Variants in PTPRD observed in about 807,000 individuals in gnomAD.
The protein encoded by PTPRD is receptor-type tyrosine-protein phosphatase delta.
Under a neutral mutation model 214.5 loss-of-function variants are expected in PTPRD, and 34 were observed. The observed-to-expected ratio is 0.16, with a 90% CI of 0.12 to 0.21. PTPRD has a LOEUF of 0.21. PTPRD is among the 10% of genes least tolerant of loss of function. The pLI, the probability that PTPRD is intolerant of heterozygous loss-of-function variation, is 1.00. For synonymous variants in PTPRD, 1,128 were observed against 845.7 expected, an observed-to-expected ratio of 1.33 and a Z score of -5.79; for missense variants, 2,545 against 2,398.7, an observed-to-expected ratio of 1.06 and a Z score of -1.27.
At chr9:10,578,719 GTTTT>G (rs1024847533) in intron 2 of PTPRD, among the ~76,000 whole-genome samples, 2 of 151,788 alleles carry the variant, frequency 1.3e-5, no homozygotes, top group African/African-American at 2.4e-5. Flanking sequence ...GTTCATATTA[GTTTT>G]TTTTGAATAA....
At chr9:10,529,893 G>A (rs1256213360) in intron 2 of PTPRD, among the ~76,000 whole-genome samples, 1 of 151,672 alleles carries the variant, frequency 6.6e-6, no homozygotes, top group African/African-American at 2.4e-5. Flanking sequence ...ATCACACACT[G>A]GGGCCTGTCT....
At chr9:9,686,541 T>A (rs754994393) in intron 7 of PTPRD, among the ~76,000 whole-genome samples, 2 of 151,552 alleles carry the variant, frequency 1.3e-5, no homozygotes, top group Non-Finnish European at 3.0e-5. Context: ...CTGACAGAAG[T>A]CCAAACAGTG....
chr9:8,317,966 G>A lies in PTPRD; in HGVS notation c.5671-24C>T, dbSNP rs762862804. ...TCCTGCAGGAGACAATGAATGGGGA[G>A]AAGCAAAAGAAGGGACCATGAGCAT... On this transcript the variant is annotated intron_variant, in intron 45 of 45. Coordinates refer to ENST00000381196, the MANE Select transcript of PTPRD (RefSeq NM_002839.4). 2.6e-5 allele frequency: 42 copies of A among 1,592,616 alleles called. No homozygotes were observed. In the African/African-American group the frequency reaches 4.7e-4, roughly 18 times the overall value.
At chr9:10,248,533 A>AAAAAAAAAAAAAAAAAAAAAC (rs60272481) in intron 3 of PTPRD, among the ~76,000 whole-genome samples, 8 of 127,422 alleles carry the variant, frequency 6.3e-5, no homozygotes, top group African/African-American at 1.3e-4. Flanking sequence ...AAAATAAAAA[A>AAAAAAAAAAAAAAAAAAAAAC]AATAAAGCGA....
At chr9:10,522,140 T>A (rs1266954303) in intron 2 of PTPRD, among the ~76,000 whole-genome samples, 1 of 152,140 alleles carries the variant, frequency 6.6e-6, no homozygotes, top group Non-Finnish European at 1.5e-5. Flanking sequence ...AAAGGTTTGG[T>A]CTTCCTGACT....
At chr9:9,243,318 C>T (rs2099971332) in intron 9 of PTPRD, among the ~76,000 whole-genome samples, 2 of 152,076 alleles carry the variant, frequency 1.3e-5, no homozygotes, top group African/African-American at 2.4e-5. Flanking sequence ...GATACCAAAG[C>T]CTGGCAGAGA....
At chr9:9,038,631 C>G (rs1367140784) in intron 10 of PTPRD, among the ~76,000 whole-genome samples, 3 of 147,936 alleles carry the variant, frequency 2.0e-5, no homozygotes, top group Non-Finnish European at 3.0e-5. Flanking sequence ...TCTTGGCTCA[C>G]TGAAACCTCC....
At chr9:9,543,247 G>T (rs1483385644) in intron 8 of PTPRD, among the ~76,000 whole-genome samples, 1 of 151,590 alleles carries the variant, frequency 6.6e-6, no homozygotes, top group East Asian at 1.9e-4. Flanking sequence ...TTTAAGAATA[G>T]ACATAACAAA....
intron 9 of PTPRD, among the ~76,000 whole-genome samples, chr9:9,239,335 A>G (rs901425891): frequency 6.6e-6 from 1 of 152,086 alleles, no homozygotes; most frequent in Non-Finnish European, 1.5e-5. Context: ...AAAAGTAGGA[A>G]TGTCTTCTGA....
rs1159154659 is a variant in PTPRD, at chr9:9,057,837, C to CATA, written c.-142-39103_-142-39102insTAT. Among the ~76,000 whole-genome samples the CATA allele has an allele frequency of 5.3e-5, 8 of 152,172 alleles. No individual in the cohort carries two copies. In the East Asian group the frequency reaches 1.2e-3, roughly 22 times the overall value. On this transcript the variant is annotated intron_variant, in intron 10 of 45. Transcript: ENST00000381196. The stretch of plus-strand genomic sequence containing the variant: ...AAGCATGCTTCTGAGTAGCTGTTAT[C>CATA]AGTCAAGGTATGTGCAAAGAATGGA...
chr9:9,311,603 GCTTTCTTGC>G (rs1325178020), intron 9 of PTPRD, among the ~76,000 whole-genome samples: 2 of 152,108 alleles, frequency 1.3e-5, no homozygotes, highest in Non-Finnish European at 2.9e-5. Context: ...TTAGAAGGAT[GCTTTCTTGC>G]ATGTGATTTT....
intron 12 of PTPRD, among the ~76,000 whole-genome samples, chr9:8,669,840 T>C (rs1256914730): frequency 1.3e-5 from 2 of 152,122 alleles, no homozygotes; most frequent in Admixed American, 6.5e-5. Context: ...CTGTGAAGGT[T>C]TGAAGCTAGA....
chr9:9,053,069 T>A (rs1050961410), intron 10 of PTPRD, among the ~76,000 whole-genome samples: 1 of 152,258 alleles, frequency 6.6e-6, no homozygotes, highest in Non-Finnish European at 1.5e-5. Context: ...TATAGAACAA[T>A]AAGCTTTATA....
chr9:8,721,154 C>T (rs1015491637), intron 12 of PTPRD, among the ~76,000 whole-genome samples: 2 of 151,312 alleles, frequency 1.3e-5, no homozygotes, highest in East Asian at 3.9e-4. Flanking sequence ...ACTGGCTGGG[C>T]GTAGTGGCTC....
chr9:10,476,607 T>C (rs908338189), intron 2 of PTPRD, among the ~76,000 whole-genome samples: 8 of 152,010 alleles, frequency 5.3e-5, no homozygotes, highest in Admixed American at 3.3e-4. Flanking sequence ...CAAGCTACCA[T>C]TGACCTTCTT....
At chr9:9,467,327 C>T (rs938380031) in intron 8 of PTPRD, among the ~76,000 whole-genome samples, 1 of 149,124 alleles carries the variant, frequency 6.7e-6, no homozygotes, top group Non-Finnish European at 1.5e-5. Flanking sequence ...GTGGCTCACA[C>T]CTGTAATCCC....
chr9:10,262,844 T>A (rs2154376942), intron 3 of PTPRD, among the ~76,000 whole-genome samples: 1 of 152,276 alleles, frequency 6.6e-6, no homozygotes, highest in Middle Eastern at 3.4e-3. Flanking sequence ...TTTGGCTGTC[T>A]CCTCACCAAA....
chr9:9,752,283 A>G (rs1054984154), intron 6 of PTPRD, among the ~76,000 whole-genome samples: 2 of 152,054 alleles, frequency 1.3e-5, no homozygotes, highest in African/African-American at 4.8e-5. Context: ...GCTTTTCCAT[A>G]AGGCTTAATG....
chr9:10,544,338 T>C (rs1166637892), intron 2 of PTPRD, among the ~76,000 whole-genome samples: 1 of 152,162 alleles, frequency 6.6e-6, no homozygotes, highest in Non-Finnish European at 1.5e-5. Flanking sequence ...AAGACAAAAA[T>C]GTACCATTTT....
Sources: allele counts gnomAD v4.1 joint callset (sites outside exome capture counted in the v4.1 genomes callset), GRCh38; gene constraint gnomAD v4.1.1; transcripts MANE v1.5; gene names NCBI Gene and HGNC (gene_info 2026-07-23, HGNC 2026-07-21).